BORCS5: variants seen among roughly 807,000 people sequenced by gnomAD.
The protein encoded by BORCS5 is BLOC-1 related complex subunit 5.
In BORCS5, 17 loss-of-function variants were observed where a neutral mutation model predicts 22.1. That is an observed-to-expected ratio of 0.77 (90% CI 0.53 to 1.15). The LOEUF (loss-of-function observed/expected upper bound fraction) is 1.15. BORCS5 is among the 50% of genes most tolerant of loss of function. BORCS5 has a pLI of 0.00. For synonymous variants in BORCS5, 117 were observed against 99.8 expected, an observed-to-expected ratio of 1.17 and a Z score of -1.03; for missense variants, 247 against 253.2, an observed-to-expected ratio of 0.98 and a Z score of 0.17.
intron 3 of BORCS5, among the ~76,000 whole-genome samples, chr12:12,463,641 A>G (rs1943150244): frequency 6.6e-6 from 1 of 152,180 alleles, no homozygotes; most frequent in Admixed American, 6.5e-5. Flanking sequence ...CGCATGAACA[A>G]CCTGTTTGAA....
intron 2 of BORCS5, among the ~76,000 whole-genome samples, chr12:12,373,319 T>G (rs908446298): frequency 6.6e-6 from 1 of 152,164 alleles, no homozygotes; most frequent in Non-Finnish European, 1.5e-5. Context: ...CCATCCAGTT[T>G]ATGGTATTCT....
At chr12:12,378,240 C>T (rs1336146027) in intron 2 of BORCS5, among the ~76,000 whole-genome samples, 3 of 152,006 alleles carry the variant, frequency 2.0e-5, no homozygotes, top group Admixed American at 6.5e-5. Context: ...GGCATGGTGG[C>T]GTGCGCCTGT....
chr12:12,430,734 A>G (rs994540111), intron 2 of BORCS5, among the ~76,000 whole-genome samples: 9 of 152,222 alleles, frequency 5.9e-5, no homozygotes, highest in African/African-American at 1.9e-4. Context: ...TAATTCTTAT[A>G]TATCATTTCA....
intron 3 of BORCS5, among the ~76,000 whole-genome samples, chr12:12,446,362 G>C (rs978376034): frequency 6.6e-6 from 1 of 152,154 alleles, no homozygotes; most frequent in Non-Finnish European, 1.5e-5. Context: ...ATAAAGACCT[G>C]CTGGTCAGTA....
intron 2 of BORCS5, among the ~76,000 whole-genome samples, chr12:12,434,324 G>A (rs896057133): frequency 6.7e-6 from 1 of 149,826 alleles, no homozygotes; most frequent in African/African-American, 2.5e-5. Flanking sequence ...TGCCCTGCAC[G>A]TGACCTACTG....
chr12:12,389,513 A>C (rs1203305665), intron 2 of BORCS5, among the ~76,000 whole-genome samples: 1 of 142,332 alleles, frequency 7.0e-6, no homozygotes, highest in Middle Eastern at 3.6e-3. Context: ...TTTAAGCCCA[A>C]CTGAAGTTAT....
intron 2 of BORCS5, among the ~76,000 whole-genome samples, chr12:12,427,449 G>C (rs1337411106): frequency 6.6e-6 from 1 of 152,028 alleles, no homozygotes; most frequent in Non-Finnish European, 1.5e-5. Flanking sequence ...CAAAGTGCTG[G>C]GATTACAGGC....
At chr12:12,370,938 A>G (rs1005395000) in intron 2 of BORCS5, among the ~76,000 whole-genome samples, 5 of 151,960 alleles carry the variant, frequency 3.3e-5, no homozygotes, top group African/African-American at 1.2e-4. Flanking sequence ...TTTAGCAGAG[A>G]CGGGATTTCA....
intron 2 of BORCS5, among the ~76,000 whole-genome samples, chr12:12,382,752 C>T (rs534753254): frequency 8.6e-5 from 13 of 151,082 alleles, no homozygotes; most frequent in African/African-American, 2.9e-4. Flanking sequence ...GGGCTGGTTT[C>T]GAACTCCTGA....
At chr12:12,383,996 A>T (rs2136047696) in intron 2 of BORCS5, among the ~76,000 whole-genome samples, 1 of 150,860 alleles carries the variant, frequency 6.6e-6, no homozygotes, top group Admixed American at 6.6e-5. Context: ...TCTTTAGATA[A>T]TTTCTATTTT....
At chr12:12,409,563 C>A (rs1941672396) in intron 2 of BORCS5, among the ~76,000 whole-genome samples, 3 of 152,166 alleles carry the variant, frequency 2.0e-5, no homozygotes, top group Admixed American at 2.0e-4. Flanking sequence ...ATGAACTCAT[C>A]ATTTTTTATG....
rs1455295563 is a variant in BORCS5, at chr12:12,414,317, G to A, written c.203-21311G>A. Among the ~76,000 whole-genome samples, 18 of 80,320 alleles carry A rather than the reference G, an allele frequency of 2.2e-4. 2 individuals are homozygous for A. Among genetic ancestry groups the A allele is most frequent in the African/African-American group, 1.1e-3 (17 of 16,040 alleles). The allele number at this position is 80,320 out of a possible 152,430, so 52.7% of individuals were successfully genotyped here. On this transcript the variant is annotated intron_variant, in intron 2 of 3. Coordinates refer to ENST00000314565, the MANE Select transcript of BORCS5 (RefSeq NM_058169.6). Reference sequence around the variant, plus strand: ...GCGCCCCTCACCTCCCGGACGGGGCGGCTGGCCAGGCGGGGGGCTGGCCCC... The same window carrying A: ...GCGCCCCTCACCTCCCGGACGGGGCAGCTGGCCAGGCGGGGGGCTGGCCCC...
chr12:12,407,711 T>G (rs1941625163), intron 2 of BORCS5, among the ~76,000 whole-genome samples: 1 of 150,274 alleles, frequency 6.7e-6, no homozygotes, highest in Non-Finnish European at 1.5e-5. Flanking sequence ...TCTTTTTGTT[T>G]TTTTTTTTTT....
At chr12:12,452,510 A>G in intron 3 of BORCS5, 1 of 438,616 alleles carries the variant, frequency 2.3e-6, no homozygotes, top group Non-Finnish European at 4.7e-6. Context: ...CCGGGTAGGC[A>G]CTGGGGGCCA....
At chr12:12,410,166 T>C (rs1216166456) in intron 2 of BORCS5, among the ~76,000 whole-genome samples, 4 of 152,170 alleles carry the variant, frequency 2.6e-5, no homozygotes, top group African/African-American at 7.2e-5. Context: ...TTTTCTCCCA[T>C]TCTGTAGGTT....
chr12:12,415,975 A>G (rs775127807), intron 2 of BORCS5, among the ~76,000 whole-genome samples: 11 of 151,990 alleles, frequency 7.2e-5, no homozygotes, highest in Non-Finnish European at 1.5e-4. Flanking sequence ...TTATCAGGAG[A>G]TTTTTTTATT....
At chr12:12,373,550 C>G in intron 2 of BORCS5, among the ~76,000 whole-genome samples, 1 of 152,072 alleles carries the variant, frequency 6.6e-6, no homozygotes, top group East Asian at 1.9e-4. Context: ...CCTTCATGTG[C>G]AGAGGCAGAA....
intron 2 of BORCS5, among the ~76,000 whole-genome samples, chr12:12,401,886 G>C (rs563925689): frequency 6.6e-6 from 1 of 151,266 alleles, no homozygotes. Flanking sequence ...GTGAAACCCT[G>C]TCTCTACTAA....
chr12:12,375,595 G>T (rs984186288), intron 2 of BORCS5, among the ~76,000 whole-genome samples: 1 of 152,122 alleles, frequency 6.6e-6, no homozygotes, highest in Non-Finnish European at 1.5e-5. Context: ...CTCCAGCATG[G>T]GCAACAGAGT....
Sources: allele counts gnomAD v4.1 joint callset (sites outside exome capture counted in the v4.1 genomes callset), GRCh38; gene constraint gnomAD v4.1.1; transcripts MANE v1.5; gene names NCBI Gene and HGNC (gene_info 2026-07-23, HGNC 2026-07-21).